Variants in ERBB4 observed in about 807,000 individuals in gnomAD.
The protein encoded by ERBB4 is erb-b2 receptor tyrosine kinase 4.
ERBB4 carries 42 observed loss-of-function variants against 158.0 expected under a neutral mutation model. The ratio of observed to expected loss-of-function variants is 0.27; its 90% CI spans 0.21 to 0.34. The LOEUF is 0.34. ERBB4 is among the 10% of genes least tolerant of loss of function. ERBB4 has a pLI of 1.00. For synonymous variants in ERBB4, 583 were observed against 558.7 expected (o/e 1.04, Z -0.61); for missense variants, 1,333 against 1,624.1 (o/e 0.82, Z 3.08).
chr2:212,338,453 T>C (rs1342880577), intron 1 of ERBB4, among the ~76,000 whole-genome samples: 1 of 152,160 alleles, frequency 6.6e-6, no homozygotes, highest in African/African-American at 2.4e-5. Context: ...GAAAGATCCA[T>C]ATATTTAATG....
At chr2:211,856,464 C>A (rs2077865768) in intron 3 of ERBB4, among the ~76,000 whole-genome samples, 1 of 151,942 alleles carries the variant, frequency 6.6e-6, no homozygotes, top group Non-Finnish European at 1.5e-5. Context: ...CGGCTCACTG[C>A]AAGCTCTGCC....
At chr2:211,783,943 G>A (rs907701597) in intron 4 of ERBB4, among the ~76,000 whole-genome samples, 1 of 152,136 alleles carries the variant, frequency 6.6e-6, no homozygotes, top group African/African-American at 2.4e-5. Context: ...CAGAAGGAAT[G>A]GTACCAGCTC....
chr2:212,381,266 G>A (rs189597100), intron 1 of ERBB4, among the ~76,000 whole-genome samples: 1 of 151,144 alleles, frequency 6.6e-6, no homozygotes, highest in Admixed American at 6.6e-5. Flanking sequence ...AAAGTCAAAG[G>A]TTGGCTCAAA....
chr2:212,516,629 C>A (rs35225704), intron 1 of ERBB4, among the ~76,000 whole-genome samples: 4,072 of 152,204 alleles, frequency 0.027, 71 homozygotes, highest in Non-Finnish European at 0.04. Context: ...AGAAAATAAT[C>A]TGCAACCTCA....
chr2:211,783,384 G>A (rs1431898309), intron 4 of ERBB4, among the ~76,000 whole-genome samples: 1 of 152,168 alleles, frequency 6.6e-6, no homozygotes, highest in Non-Finnish European at 1.5e-5. Flanking sequence ...GATGGCCCTG[G>A]CCAGAACTTC....
At chr2:212,015,109 TATAAA>T (rs1559321318) in intron 2 of ERBB4, among the ~76,000 whole-genome samples, 1 of 89,382 alleles carries the variant, frequency 1.1e-5, no homozygotes, top group Non-Finnish European at 2.2e-5. Context: ...TATATATATA[TATAAA>T]AATTAGCCGG....
intron 4 of ERBB4, among the ~76,000 whole-genome samples, chr2:211,753,683 C>T (rs1229429029): frequency 6.6e-6 from 1 of 151,300 alleles, no homozygotes; most frequent in Non-Finnish European, 1.5e-5. Context: ...GGAGATCACC[C>T]TAGACCATTT....
At chr2:212,133,396 G>GTTTTTTTTT (rs575131971) in intron 1 of ERBB4, among the ~76,000 whole-genome samples, 2 of 137,124 alleles carry the variant, frequency 1.5e-5, no homozygotes, top group African/African-American at 5.9e-5. Context: ...TCATTTTGGT[G>GTTTTTTTTT]TTTTTTTTTT....
Position 212,239,979 on chromosome 2 carries a change from G to T in ERBB4, c.83-115076C>A, listed in dbSNP as rs528944910. On this transcript the variant is annotated intron_variant, in intron 1 of 27. Coordinates refer to ENST00000342788, the MANE Select transcript of ERBB4 (RefSeq NM_005235.3). ...AAGTAGCAGGATCACCTAACAAGAGGTTCTAAAATCCAAATCTTAGATTAA... is the reference window on the plus strand; with the variant it reads ...AAGTAGCAGGATCACCTAACAAGAGTTTCTAAAATCCAAATCTTAGATTAA... Among the ~76,000 whole-genome samples the T allele has an allele frequency of 3.3e-5, 5 of 152,176 alleles. No individual in the cohort carries two copies. In the South Asian group the frequency reaches 1.0e-3, roughly 32 times the overall value.
chr2:211,820,805 C>T (rs548639752), intron 3 of ERBB4, among the ~76,000 whole-genome samples: 3 of 151,934 alleles, frequency 2.0e-5, no homozygotes, highest in South Asian at 4.1e-4. Context: ...ATAAACATGA[C>T]ACGTCACCTC....
chr2:212,116,029 T>C (rs1575655810), intron 2 of ERBB4, among the ~76,000 whole-genome samples: 1 of 152,206 alleles, frequency 6.6e-6, no homozygotes, highest in Admixed American at 6.5e-5. Flanking sequence ...GCAAACAGTT[T>C]TATTGTTATT....
intron 1 of ERBB4, among the ~76,000 whole-genome samples, chr2:212,347,533 A>C (rs2089065120): frequency 6.6e-6 from 1 of 152,122 alleles, no homozygotes; most frequent in Admixed American, 6.6e-5. Flanking sequence ...CTTTCCTTTC[A>C]GATCTGAAGA....
chr2:211,831,470 T>C (rs966683167), intron 3 of ERBB4, among the ~76,000 whole-genome samples: 2 of 152,180 alleles, frequency 1.3e-5, no homozygotes, highest in African/African-American at 4.8e-5. Flanking sequence ...ACCTAATGAG[T>C]AGTCAAATAT....
chr2:211,941,358 C>A (rs2080490347), intron 3 of ERBB4, among the ~76,000 whole-genome samples: 1 of 151,674 alleles, frequency 6.6e-6, no homozygotes, highest in African/African-American at 2.4e-5. Context: ...TAACAACAAT[C>A]CCTGAACTAG....
chr2:212,495,996 G>A (rs942661097), intron 1 of ERBB4, among the ~76,000 whole-genome samples: 3 of 151,792 alleles, frequency 2.0e-5, no homozygotes, highest in Non-Finnish European at 2.9e-5. Context: ...TACTTGATAC[G>A]GCATCAGGTA....
At chr2:211,892,504 G>C (rs2078994388) in intron 3 of ERBB4, among the ~76,000 whole-genome samples, 2 of 138,190 alleles carry the variant, frequency 1.4e-5, no homozygotes, top group South Asian at 4.4e-4. Flanking sequence ...GCACAAGACA[G>C]GGATGCCCTC....
chr2:211,590,142 C>T (rs959937016), intron 19 of ERBB4, among the ~76,000 whole-genome samples: 2 of 152,118 alleles, frequency 1.3e-5, no homozygotes, highest in African/African-American at 4.8e-5. Flanking sequence ...AGGGATGAAA[C>T]GCCTTTGCAA....
chr2:212,159,272 T>G (rs926687206), intron 1 of ERBB4, among the ~76,000 whole-genome samples: 19 of 151,552 alleles, frequency 1.3e-4, no homozygotes, highest in South Asian at 2.1e-4. Context: ...TTGTTTTTTT[T>G]TTTTTTTTGG....
chr2:211,650,406 T>C (rs2070939243), intron 16 of ERBB4, among the ~76,000 whole-genome samples: 1 of 152,114 alleles, frequency 6.6e-6, no homozygotes, highest in Non-Finnish European at 1.5e-5. Context: ...GAATTCTAAA[T>C]GCAGACTCAA....
Sources: allele counts gnomAD v4.1 joint callset (sites outside exome capture counted in the v4.1 genomes callset), GRCh38; gene constraint gnomAD v4.1.1; transcripts MANE v1.5; gene names NCBI Gene and HGNC (gene_info 2026-07-23, HGNC 2026-07-21).